MAD1L1: variants seen among roughly 807,000 people sequenced by gnomAD.
The protein encoded by MAD1L1 is mitotic arrest deficient 1 like 1.
MAD1L1 carries 95 observed loss-of-function variants against 96.9 expected under a neutral mutation model. That is an observed-to-expected ratio of 0.98 (90% confidence interval 0.83 to 1.16). The LOEUF (loss-of-function observed/expected upper bound fraction) is 1.16. MAD1L1 is among the 50% of genes most tolerant of loss of function. MAD1L1 has a pLI of 0.00. For synonymous variants in MAD1L1, 473 were observed against 396.6 expected (o/e 1.19, Z -2.29); for missense variants, 1,007 against 954.4 (o/e 1.06, Z -0.73).
At chr7:2,012,636 A>C (rs991282917) in intron 13 of MAD1L1, among the ~76,000 whole-genome samples, 1 of 152,150 alleles carries the variant, frequency 6.6e-6, no homozygotes, top group Non-Finnish European at 1.5e-5. Flanking sequence ...AGAAGAACAC[A>C]CCAGGGGGCA....
At chr7:1,874,983 G>T (rs889833779) in intron 18 of MAD1L1, among the ~76,000 whole-genome samples, 3 of 152,152 alleles carry the variant, frequency 2.0e-5, no homozygotes, top group Non-Finnish European at 4.4e-5. Context: ...CTCCAGGGCA[G>T]GCATACTCCG....
At chr7:1,871,526 A>G (rs1372030505) in intron 18 of MAD1L1, among the ~76,000 whole-genome samples, 15 of 124,790 alleles carry the variant, frequency 1.2e-4, no homozygotes, top group African/African-American at 4.4e-4. Flanking sequence ...AACACCTGCC[A>G]CGCCGAACCC....
chr7:2,039,921 C>A (rs936644300), intron 12 of MAD1L1, among the ~76,000 whole-genome samples: 1 of 151,838 alleles, frequency 6.6e-6, no homozygotes, highest in Non-Finnish European at 1.5e-5. Context: ...AATATTAGAG[C>A]AAAAATAAGT....
Position 1,937,014 on chromosome 7 carries a change from C to T in MAD1L1, c.1597-117G>A, listed in dbSNP as rs1051499820. On this transcript the variant is annotated intron_variant, in intron 16 of 18. Coordinates refer to ENST00000265854, the MANE Select transcript of MAD1L1 (RefSeq NM_001013836.2). ...CACACAGCACGGGTCACACACAGCA[C>T]AGTGCTCAGTTCTTTTGTCTTCTTG... The T allele has an allele frequency of 1.2e-5, 9 of 770,672 alleles. No homozygotes were observed. In the South Asian group the frequency reaches 1.4e-4, roughly 12 times the overall value. 47.7% of individuals were successfully genotyped at this position (770,672 alleles called of 1,614,324 possible).
At chr7:1,834,458 TCC>T (rs1168916347) in intron 18 of MAD1L1, among the ~76,000 whole-genome samples, 2 of 152,144 alleles carry the variant, frequency 1.3e-5, no homozygotes, top group African/African-American at 4.8e-5. Context: ...GCACTACAGA[TCC>T]TACAGATGTT....
In MAD1L1 at chr7:1,850,214, G is replaced by A. The variant is rs1315480864; in HGVS notation, c.1999-33986C>T. On this transcript the variant is annotated intron_variant, in intron 18 of 18. Transcript: ENST00000265854. ...ACCCCTGGGCAGGCCTCCCCTTCTG[G>A]GGCAACAGGACGGAACCGACAGGCG... Among the ~76,000 whole-genome samples, 19 of 152,098 alleles carry A rather than the reference G, an allele frequency of 1.2e-4. 1 individual carries two copies. The highest frequency in any genetic ancestry group is 1.2e-4 in the Non-Finnish European group (8 of 67,984).
At chr7:2,190,251 T>C (rs1012764029) in intron 10 of MAD1L1, among the ~76,000 whole-genome samples, 1 of 152,056 alleles carries the variant, frequency 6.6e-6, no homozygotes, top group South Asian at 2.1e-4. Context: ...GGCCCATGAA[T>C]GTATGGCTGA....
At chr7:1,962,095 G>A (rs748975920) in intron 15 of MAD1L1, among the ~76,000 whole-genome samples, 3 of 152,100 alleles carry the variant, frequency 2.0e-5, no homozygotes, top group Non-Finnish European at 2.9e-5. Context: ...GGGAGATAAT[G>A]AATCATAGGG....
At chr7:1,987,145 T>C (rs1781187866) in intron 14 of MAD1L1, among the ~76,000 whole-genome samples, 1 of 151,698 alleles carries the variant, frequency 6.6e-6, no homozygotes, top group South Asian at 2.1e-4. Flanking sequence ...CCCTCACCCC[T>C]CCCCTGCCAG....
chr7:1,816,219 G>T lies in MAD1L1; in HGVS notation c.2008C>A (p.Pro670Thr). The change falls in exon 19 of 19, where the codon CCC becomes ACC. Residue 670 changes from proline (P) to threonine (T), a missense_variant. Pro to Thr is a conservative substitution (Grantham distance 38). Coordinates refer to ENST00000265854, the MANE Select transcript of MAD1L1 (RefSeq NM_001013836.2). ...GDCLIFKATS[P>T]SGSKMQLLET... ...AGTAGCTGCATCTTGGAACCCGAGG[G>T]GCTGGTGGCCTGCGGGGCAGTCAAG... The T allele has an allele frequency of 1.2e-6, 2 of 1,612,898 alleles. No homozygotes were observed. Among genetic ancestry groups the T allele is most frequent in the Non-Finnish European group, 1.7e-6 (2 of 1,179,578 alleles).
intron 18 of MAD1L1, among the ~76,000 whole-genome samples, chr7:1,895,767 G>A (rs1450334067): frequency 6.6e-6 from 1 of 152,212 alleles, no homozygotes; most frequent in African/African-American, 2.4e-5. Context: ...TCAGCTCCAT[G>A]GCTTCTGACC....
In MAD1L1 at chr7:2,103,959, G is replaced by A. The variant is rs56085180; in HGVS notation, c.1074-34621C>T. ...AAGAGGCCCCCAGACACATGGCAGAGAATCAAATATGCAGCCGGTGTCTGG... is the reference window on the plus strand; with the variant it reads ...AAGAGGCCCCCAGACACATGGCAGAAAATCAAATATGCAGCCGGTGTCTGG... On this transcript the variant is annotated intron_variant, in intron 11 of 18. Transcript: ENST00000265854. This position sits in a 1 kb window ranked among gnomAD's most constrained non-coding sequence, Gnocchi z 4.3. 0.027 allele frequency among the ~76,000 whole-genome samples: 4,178 copies of A among 152,324 alleles called. 99 individuals carry two copies. The highest frequency in any genetic ancestry group is 0.09 in the South Asian group (432 of 4,826).
chr7:2,072,663 A>G (rs1785190236), intron 11 of MAD1L1, among the ~76,000 whole-genome samples: 1 of 152,242 alleles, frequency 6.6e-6, no homozygotes, highest in South Asian at 2.1e-4. Context: ...GAACGCCACC[A>G]TTCCCTGTAC....
intron 11 of MAD1L1, among the ~76,000 whole-genome samples, chr7:2,077,218 G>A (rs937134248): frequency 2.0e-5 from 3 of 152,228 alleles, no homozygotes; most frequent in East Asian, 3.8e-4. Context: ...CAGTGATGAC[G>A]TCTGGCATGA....
intron 18 of MAD1L1, among the ~76,000 whole-genome samples, chr7:1,852,441 G>A (rs1784027479): frequency 6.6e-6 from 1 of 152,170 alleles, no homozygotes; most frequent in African/African-American, 2.4e-5. Context: ...TGCACTGGGG[G>A]GAGTCCAGGC....
intron 11 of MAD1L1, among the ~76,000 whole-genome samples, chr7:2,127,495 G>C (rs775325469): frequency 1.2e-4 from 18 of 152,296 alleles, no homozygotes; most frequent in African/African-American, 4.3e-4. Flanking sequence ...AGCTGCACAC[G>C]GGGGAGCGGG....
intron 3 of MAD1L1, 145 bp downstream of exon 3, chr7:2,229,839 T>G: frequency 2.4e-6 from 2 of 844,978 alleles, no homozygotes; most frequent in Non-Finnish European, 1.8e-6. Flanking sequence ...AAATGAGGAG[T>G]GCCCATAGTG....
intron 11 of MAD1L1, among the ~76,000 whole-genome samples, chr7:2,133,695 T>C (rs1788621899): frequency 6.6e-6 from 1 of 152,260 alleles, no homozygotes; most frequent in South Asian, 2.1e-4. Context: ...CACTCAGGTA[T>C]GTGATCCACT....
chr7:1,834,258 C>T (rs13235380), intron 18 of MAD1L1, among the ~76,000 whole-genome samples: 53,606 of 151,254 alleles, frequency 0.35, 9,496 homozygotes, highest in Admixed American at 0.44. Flanking sequence ...TCAGCTTCGA[C>T]CTTAAGGAAC....
Sources: gnomAD v4.1 joint callset for allele counts (sites outside exome capture counted in the v4.1 genomes callset) on GRCh38, gnomAD v4.1.1 for gene constraint, Gnocchi (gnomAD v3.1) non-coding constraint, MANE v1.5 for transcripts, NCBI Gene and HGNC (gene_info 2026-07-23, HGNC 2026-07-21) for gene names.